Variants in CACNA1C observed in about 807,000 individuals in gnomAD.
CACNA1C encodes the protein calcium voltage-gated channel subunit alpha1 C.
In CACNA1C, 30 loss-of-function variants were observed where a neutral mutation model predicts 229.0. That is an observed-to-expected ratio of 0.13 (90% CI 0.10 to 0.18). The LOEUF (loss-of-function observed/expected upper bound fraction) is 0.18. Ranked by LOEUF, CACNA1C falls within the 10% of genes least tolerant of loss-of-function variation. The pLI, the probability that CACNA1C is intolerant of heterozygous loss-of-function variation, is 1.00. For missense variants in CACNA1C, 1,658 were observed against 2,845.0 expected (o/e 0.58, Z 9.49); for synonymous variants, 1,114 against 1,132.5 (o/e 0.98, Z 0.33).
At chr12:2,670,486 A>ATAAC (rs1222980435) in intron 38 of CACNA1C, among the ~76,000 whole-genome samples, 3 of 152,246 alleles carry the variant, frequency 2.0e-5, no homozygotes, top group Non-Finnish European at 2.9e-5. Flanking sequence ...TTCAAAAACA[A>ATAAC]TAACAGAAAC....
chr12:2,088,267 G>A (rs1055020151), intron 1 of CACNA1C, among the ~76,000 whole-genome samples: 3 of 152,212 alleles, frequency 2.0e-5, no homozygotes, highest in African/African-American at 4.8e-5. Flanking sequence ...CTCTTTAAAT[G>A]TGTGTGCCTC....
At chr12:2,498,889 C>G (rs1207397423) in intron 7 of CACNA1C, among the ~76,000 whole-genome samples, 2 of 152,244 alleles carry the variant, frequency 1.3e-5, no homozygotes, top group African/African-American at 4.8e-5. Flanking sequence ...CCACTACTCT[C>G]TATGACAGCT....
intron 3 of CACNA1C, among the ~76,000 whole-genome samples, chr12:2,150,904 T>C (rs2095191100): frequency 6.6e-6 from 1 of 152,152 alleles, no homozygotes; most frequent in Non-Finnish European, 1.5e-5. Context: ...AGGTGACATG[T>C]AAAAATGGTG....
At chr12:2,292,601 C>T (rs760857859) in intron 3 of CACNA1C, among the ~76,000 whole-genome samples, 5 of 152,150 alleles carry the variant, frequency 3.3e-5, no homozygotes, top group African/African-American at 9.7e-5. Context: ...AATCAACAGA[C>T]GTTTACTAAA....
intron 3 of CACNA1C, among the ~76,000 whole-genome samples, chr12:2,406,195 A>G (rs533605551): frequency 6.6e-6 from 1 of 152,106 alleles, no homozygotes; most frequent in African/African-American, 2.4e-5. Context: ...ATTTTCTTTG[A>G]CTTTGGTTTT....
intron 1 of CACNA1C, among the ~76,000 whole-genome samples, chr12:2,111,584 G>A (rs2081776276): frequency 6.6e-6 from 1 of 152,054 alleles, no homozygotes. Context: ...CGTGAGCTGT[G>A]GAGGGCTTAC....
In CACNA1C at chr12:2,532,052, T is replaced by C. The variant is rs2099842125; in HGVS notation, c.1391-17891T>C. Among the ~76,000 whole-genome samples, 3 of 152,168 alleles carry C rather than the reference T, an allele frequency of 2.0e-5. No homozygotes were observed. In the South Asian group the frequency reaches 6.2e-4, roughly 32 times the overall value. ...CAGTGTCCTGGGTGCAGTGGCATCC[T>C]CCCGATGGTGTGGTGAATTATCCTG... On this transcript the variant is annotated intron_variant, in intron 9 of 46. Transcript: ENST00000399655.
At position 2,217,329 on chromosome 12, in the gene CACNA1C, G is replaced by A. The variant is rs192553493; in HGVS notation, c.477+96899G>A. On this transcript the variant is annotated intron_variant, in intron 3 of 46. Coordinates refer to ENST00000399655, the MANE Select transcript of CACNA1C (RefSeq NM_000719.7). ...AGGAATAGCAAAGTGTTCTGGAGAT[G>A]GATGGAGGTGATGGTTAAACAACAA... 1.3e-4 allele frequency: 20 copies of A among 152,286 alleles called. No individual in the cohort carries two copies. In the East Asian group the frequency reaches 2.9e-3, roughly 22 times the overall value. 9.4% of individuals were successfully genotyped at this position (152,286 alleles called of 1,614,324 possible).
chr12:2,265,980 A>G (rs2082250929), intron 3 of CACNA1C, among the ~76,000 whole-genome samples: 1 of 152,234 alleles, frequency 6.6e-6, no homozygotes, highest in Non-Finnish European at 1.5e-5. Context: ...ATGACATCCA[A>G]ACACCCACAC....
chr12:2,671,299 C>T (rs911740544), intron 38 of CACNA1C, among the ~76,000 whole-genome samples: 3 of 152,198 alleles, frequency 2.0e-5, no homozygotes, highest in African/African-American at 4.8e-5. Flanking sequence ...AGGCATGAGC[C>T]ACCGCGCCCG....
At chr12:2,519,350 A>G (rs60725906) in intron 9 of CACNA1C, among the ~76,000 whole-genome samples, 2,855 of 152,336 alleles carry the variant, frequency 0.019, 75 homozygotes, top group African/African-American at 0.065. Context: ...ACCTTCTGCC[A>G]TGCTCTAAGC....
At chr12:2,350,600 T>C (rs372346768) in intron 3 of CACNA1C, among the ~76,000 whole-genome samples, 1 of 152,194 alleles carries the variant, frequency 6.6e-6, no homozygotes, top group East Asian at 1.9e-4. Context: ...TGCGGGGCCA[T>C]TGATGCCCAT....
At chr12:2,412,199 G>A (rs558903863) in intron 3 of CACNA1C, among the ~76,000 whole-genome samples, 1 of 152,154 alleles carries the variant, frequency 6.6e-6, no homozygotes, top group Non-Finnish European at 1.5e-5. Context: ...CCCCACTGCA[G>A]GACGCCCAGG....
At chr12:2,455,594 G>T (rs144274081) in intron 4 of CACNA1C, among the ~76,000 whole-genome samples, 1 of 152,202 alleles carries the variant, frequency 6.6e-6, no homozygotes, top group East Asian at 1.9e-4. Context: ...TGTTGGCCAG[G>T]GCTGTCTATC....
At chr12:2,619,347 T>G (rs1008349134) in intron 29 of CACNA1C, among the ~76,000 whole-genome samples, 7 of 152,210 alleles carry the variant, frequency 4.6e-5, no homozygotes, top group Non-Finnish European at 2.9e-5. Context: ...CCTGGGGAGT[T>G]TGCGCCCAGC....
rs377631971 is a variant in CACNA1C at position 2,653,920 on chromosome 12, G to C, written c.4140+20G>C. 6.2e-7 allele frequency: 1 copy of C among 1,607,504 alleles called. No homozygotes were observed. The highest frequency in any genetic ancestry group is 1.3e-5 in the African/African-American group (1 of 74,768). On this transcript the variant is annotated intron_variant, in intron 33 of 46. Transcript: ENST00000399655. This position sits in a 1 kb window ranked among gnomAD's most constrained non-coding sequence, Gnocchi z 4.7. ...ATGCAGGTAGGGAGGCTCCCACCAC[G>C]GGGCTCCTGGCCTCCCGCTCTGTCT...
intron 3 of CACNA1C, among the ~76,000 whole-genome samples, chr12:2,437,105 G>C (rs1596230060): frequency 6.6e-6 from 1 of 152,256 alleles, no homozygotes; most frequent in Non-Finnish European, 1.5e-5. Context: ...TGGGTCTCAG[G>C]CCACTTCTGA....
chr12:2,625,279 T>C (rs1298686141), intron 29 of CACNA1C, among the ~76,000 whole-genome samples: 2 of 152,202 alleles, frequency 1.3e-5, no homozygotes, highest in Non-Finnish European at 2.9e-5. Context: ...AATTATTTAA[T>C]GTAGAAAATT....
rs549630704 is a variant in CACNA1C, at chr12:2,629,153, G to A, written c.3829-5144G>A. On this transcript the variant is annotated intron_variant, in intron 29 of 46. Transcript: ENST00000399655. The stretch of plus-strand genomic sequence containing the variant: ...CTAGAATAAAGACAACGGTGATGAC[G>A]AGATTCTTGAAATTGCACTTGAAGG... Among the ~76,000 whole-genome samples the A allele has an allele frequency of 1.8e-3, 277 of 152,302 alleles. 2 individuals are homozygous for A. Among genetic ancestry groups the A allele is most frequent in the African/African-American group, 6.4e-3 (266 of 41,572 alleles).
Sources: allele counts gnomAD v4.1 joint callset (sites outside exome capture counted in the v4.1 genomes callset), GRCh38; gene constraint gnomAD v4.1.1; non-coding constraint Gnocchi (gnomAD v3.1); transcripts MANE v1.5; gene names NCBI Gene and HGNC (gene_info 2026-07-23, HGNC 2026-07-21).